Variants in BRWD1 observed in about 807,000 individuals in gnomAD.
BRWD1 encodes bromodomain and WD repeat-containing protein 1.
A neutral mutation model predicts 251.2 loss-of-function variants in BRWD1; 82 were observed. That is an observed-to-expected ratio of 0.33 (90% confidence interval 0.27 to 0.39). The LOEUF is 0.39. Among genes scored for constraint, BRWD1 ranks in the 10% least tolerant of loss-of-function variants. The pLI is 1.00. For missense variants in BRWD1, 2,233 were observed against 2,711.6 expected (o/e 0.82, Z 3.92); for synonymous variants, 918 against 902.8 (o/e 1.02, Z -0.30).
chr21:39,224,085 G>A (rs891940747), intron 29 of BRWD1, among the ~76,000 whole-genome samples: 5 of 152,150 alleles, frequency 3.3e-5, no homozygotes, highest in Non-Finnish European at 7.4e-5. Context: ...CCTGATCTCA[G>A]GTGATCCATC....
At chr21:39,270,076 T>C (rs1238113211) in intron 14 of BRWD1, 43 bp from the exon 15 acceptor site, 3 of 1,470,460 alleles carry the variant, frequency 2.0e-6, no homozygotes, top group Non-Finnish European at 2.7e-6. Context: ...GTTTACAAGT[T>C]ACAAATTGAA....
intron 15 of BRWD1, among the ~76,000 whole-genome samples, chr21:39,268,964 G>T (rs540188799): frequency 6.6e-6 from 1 of 152,162 alleles, no homozygotes; most frequent in Non-Finnish European, 1.5e-5. Context: ...CTCCAGCCTG[G>T]GCGACAGAGC....
Position 39,189,561 on chromosome 21 carries a change from GA to G in BRWD1, c.*6697del. 4 of 983,836 alleles carry G rather than the reference GA, an allele frequency of 4.1e-6. No homozygotes were observed. The highest frequency in any genetic ancestry group is 4.8e-6 in the Non-Finnish European group (4 of 828,600). The allele number at this position is 983,836 out of a possible 1,614,324, so 60.9% of individuals were successfully genotyped here. On this transcript the variant is annotated 3_prime_UTR_variant, in exon 41 of 41. Coordinates refer to ENST00000342449, the MANE Select transcript of BRWD1 (RefSeq NM_033656.4). ...TCAGTAACTATGCCCAAGGGAGGGA[GA>G]ATTTGAATTACACTGTACTCTAACT...
intron 17 of BRWD1, among the ~76,000 whole-genome samples, chr21:39,262,179 G>T (rs2034772074): frequency 6.6e-6 from 1 of 152,154 alleles, no homozygotes. Context: ...TAAAAACTGA[G>T]TAAACTGAAG....
At chr21:39,228,914 C>G (rs1489584586) in intron 26 of BRWD1, among the ~76,000 whole-genome samples, 1 of 152,134 alleles carries the variant, frequency 6.6e-6, no homozygotes, top group Middle Eastern at 3.2e-3. Context: ...TTAAGACATT[C>G]AATCAAACCA....
At chr21:39,276,802 T>C (rs995696931) in intron 11 of BRWD1, among the ~76,000 whole-genome samples, 2 of 152,224 alleles carry the variant, frequency 1.3e-5, no homozygotes, top group African/African-American at 2.4e-5. Flanking sequence ...TCAACTGTCA[T>C]AATCAAGATT....
At chr21:39,304,406 T>G (rs910206817) in intron 4 of BRWD1, among the ~76,000 whole-genome samples, 4 of 150,764 alleles carry the variant, frequency 2.7e-5, no homozygotes, top group Non-Finnish European at 5.9e-5. Flanking sequence ...AGTCCAAGAG[T>G]TCAAGATGAG....
chr21:39,275,309 C>T (rs971470115), intron 12 of BRWD1, among the ~76,000 whole-genome samples: 1 of 152,030 alleles, frequency 6.6e-6, no homozygotes, highest in African/African-American at 2.4e-5. Context: ...GGATATATCA[C>T]GGTGGTTTCT....
intron 8 of BRWD1, among the ~76,000 whole-genome samples, chr21:39,292,010 G>A (rs1352454156): frequency 6.6e-6 from 1 of 151,492 alleles, no homozygotes; most frequent in Non-Finnish European, 1.5e-5. Context: ...GCACTGGTGC[G>A]ATAACGGCTC....
chr21:39,240,276 T>A (rs1416186272), intron 21 of BRWD1, among the ~76,000 whole-genome samples: 1 of 152,208 alleles, frequency 6.6e-6, no homozygotes, highest in Non-Finnish European at 1.5e-5. Flanking sequence ...AGAGGATTTT[T>A]AGGGCAGTAA....
At position 39,212,604 on chromosome 21, in the gene BRWD1, C is replaced by T. The variant is rs996096165; in HGVS notation, c.3900+62G>A. On this transcript the variant is annotated intron_variant, in intron 34 of 40. Coordinates refer to ENST00000342449, the MANE Select transcript of BRWD1 (RefSeq NM_033656.4). The stretch of plus-strand genomic sequence containing the variant: ...CTTTTCAAAGACAAAAACTAAAATC[C>T]TGAATTGATTTTAAAACAAAGAAAA... The T allele has an allele frequency of 5.3e-6, 7 of 1,318,546 alleles. No individual in the cohort carries two copies. The African/African-American group carries it at 9.0e-5, about 17-fold the overall frequency. 81.7% of individuals were successfully genotyped at this position (1,318,546 alleles called of 1,614,324 possible). A position where few individuals can be genotyped will look rare whatever the true frequency, so the allele number is the denominator to read the frequency against.
At chr21:39,240,265 C>G (rs537508535) in intron 21 of BRWD1, among the ~76,000 whole-genome samples, 2 of 152,226 alleles carry the variant, frequency 1.3e-5, no homozygotes, top group East Asian at 1.9e-4. Context: ...AGATGGAGCA[C>G]AGAGGATTTT....
chr21:39,267,055 G>T (rs540032389), intron 15 of BRWD1, among the ~76,000 whole-genome samples: 1 of 152,046 alleles, frequency 6.6e-6, no homozygotes, highest in Admixed American at 6.6e-5. Flanking sequence ...TGTATCCCAC[G>T]GATTTTAAAA....
intron 19 of BRWD1, among the ~76,000 whole-genome samples, chr21:39,253,126 C>T (rs2034449536): frequency 6.6e-6 from 1 of 151,928 alleles, no homozygotes; most frequent in Non-Finnish European, 1.5e-5. Context: ...CCCATCTCTA[C>T]TGAAAATACA....
At chr21:39,221,905 AAAAAAAGAAAGAAAG>A (rs1344950226) in intron 29 of BRWD1, among the ~76,000 whole-genome samples, 1 of 152,156 alleles carries the variant, frequency 6.6e-6, no homozygotes, top group Admixed American at 6.5e-5. Flanking sequence ...TGTCTCAAAA[AAAAAAAGAAAGAAAG>A]AAAAAAGAAA....
At chr21:39,241,074 T>TG (rs202211354) in intron 21 of BRWD1, among the ~76,000 whole-genome samples, 2,316 of 152,012 alleles carry the variant, frequency 0.015, 59 homozygotes, top group African/African-American at 0.053. Context: ...CTAATTTTTT[T>TG]TTTTTTTTGT....
intron 11 of BRWD1, 23 bp from the exon 12 acceptor site, chr21:39,276,236 T>C (rs569113175): frequency 5.1e-6 from 8 of 1,576,234 alleles, no homozygotes; most frequent in South Asian, 2.3e-5. Context: ...AAAGGACAAA[T>C]ACAAAAATGA....
chr21:39,205,036 A>G (rs1469152242), intron 37 of BRWD1, among the ~76,000 whole-genome samples: 1 of 152,254 alleles, frequency 6.6e-6, no homozygotes, highest in Non-Finnish European at 1.5e-5. Flanking sequence ...GAAAAAATCT[A>G]TAATTTTACA....
chr21:39,297,596 T>C (rs2035993707), intron 5 of BRWD1: 3 of 251,182 alleles, frequency 1.2e-5, no homozygotes, highest in Non-Finnish European at 1.9e-5. Flanking sequence ...TCCTGATTAG[T>C]GCCACAGGGT....
Sources: gnomAD v4.1 joint callset for allele counts (sites outside exome capture counted in the v4.1 genomes callset) on GRCh38, gnomAD v4.1.1 for gene constraint, MANE v1.5 for transcripts, NCBI Gene and HGNC (gene_info 2026-07-23, HGNC 2026-07-21) for gene names.